The following WDR19 variants were observed in gnomAD, a reference collection of about 807,000 sequenced individuals.
The protein encoded by WDR19 is WD repeat-containing protein 19.
In WDR19, 121 loss-of-function variants were observed where a neutral mutation model predicts 180.0. That is an observed-to-expected ratio of 0.67 (90% CI 0.58 to 0.78). The LOEUF is 0.78. Ranked by LOEUF, WDR19 falls within the 30% of genes least tolerant of loss-of-function variation. The probability of loss-of-function intolerance (pLI) is 0.00; values close to 1 mark genes in which losing one functional copy is unlikely to be tolerated. For missense variants in WDR19, 1,450 were observed against 1,640.7 expected (o/e 0.88, Z 2.01); for synonymous variants, 497 against 540.7 (o/e 0.92, Z 1.12).
intron 9 of WDR19, 189 bp downstream of exon 9, chr4:39,205,925 A>G (rs1033283265): frequency 3.5e-6 from 2 of 579,160 alleles, no homozygotes; most frequent in African/African-American, 1.9e-5. Flanking sequence ...ATCAATCTTA[A>G]AAATAAAATA....
rs1238537245 is a variant in WDR19 at position 39,203,706 on chromosome 4, C to G, written c.587C>G (p.Ser196Cys). Residue 196 changes from serine to cysteine, a missense_variant, in exon 7 of 37, where the codon TCT becomes TGT. Coordinates refer to ENST00000399820, the MANE Select transcript of WDR19 (RefSeq NM_025132.4). ...FFLMKMDDRT[S>C]AAESMISVVL... ...TTGATGAAGATGGATGACCGAACCT[C>G]TGCTGCTGAAAGCATGGTAAGAATT... 1.2e-6 allele frequency: 2 copies of G among 1,611,986 alleles called. No homozygotes were observed.
chr4:39,241,669 G>A (rs1258896702), intron 21 of WDR19, among the ~76,000 whole-genome samples: 5 of 151,418 alleles, frequency 3.3e-5, no homozygotes, highest in African/African-American at 7.3e-5. Flanking sequence ...GGTGGCACAC[G>A]CCTGTAATCC....
At position 39,205,593 on chromosome 4, in the gene WDR19, T is replaced by C; in HGVS notation, c.747T>C (p.Phe249=). Residue 249 remains phenylalanine (F), a synonymous_variant, in exon 9 of 37, where the codon TTT becomes TTC. Transcript: ENST00000399820. ...WYGDGRIMIG[F]SCGHFVVIST... is the part of the protein sequence containing the mutation. ...GTGATGGCCGCATCATGATTGGTTT[T>C]TCATGTGGACATTTTGTGGTCATTT... is the stretch of plus-strand genomic sequence containing the variant. The C allele has an allele frequency of 6.2e-7, 1 of 1,613,594 alleles. No homozygotes were observed. The highest frequency in any genetic ancestry group is 8.5e-7 in the Non-Finnish European group (1 of 1,179,744).
At chr4:39,260,974 A>G (rs1263126699) in intron 28 of WDR19, among the ~76,000 whole-genome samples, 2 of 152,028 alleles carry the variant, frequency 1.3e-5, no homozygotes, top group African/African-American at 2.4e-5. Flanking sequence ...CAAACAGTTC[A>G]TAATAGCCCA....
chr4:39,277,673 A>G (rs574530388), intron 34 of WDR19, among the ~76,000 whole-genome samples: 213 of 152,350 alleles, frequency 1.4e-3, no homozygotes, highest in African/African-American at 4.9e-3. Context: ...AATCCTTTTA[A>G]TGCTGTCTCT....
At chr4:39,285,443 C>T (rs923397771) in intron 36 of WDR19, 44 bp from the exon 37 acceptor site, 10 of 152,208 alleles carry the variant, frequency 6.6e-5, no homozygotes, top group African/African-American at 2.4e-4. Flanking sequence ...CCAGCCATTA[C>T]TTGAAACCCT....
At chr4:39,272,378 C>T (rs985867320) in intron 31 of WDR19, among the ~76,000 whole-genome samples, 3 of 152,192 alleles carry the variant, frequency 2.0e-5, no homozygotes, top group African/African-American at 7.2e-5. Flanking sequence ...CAAGTATCCT[C>T]AGCCCTGACC....
chr4:39,240,955 C>CA (rs34831969), intron 21 of WDR19, among the ~76,000 whole-genome samples: 58,108 of 115,486 alleles, frequency 0.5, 14,960 homozygotes, highest in East Asian at 0.65. Flanking sequence ...GACTCCATCT[C>CA]AAAAAAAAAA....
intron 24 of WDR19, among the ~76,000 whole-genome samples, chr4:39,251,427 A>T (rs1313228841): frequency 3.3e-5 from 5 of 151,902 alleles, no homozygotes; most frequent in African/African-American, 4.8e-5. Context: ...AACCTAGGCA[A>T]TACCATTCAG....
At position 39,203,699 on chromosome 4, in the gene WDR19, C is replaced by G. The variant is rs1445634325; in HGVS notation, c.580C>G (p.Arg194Gly). ...MQFFLMKMDD[R>G]TSAAESMISV... ...GTTTTTCTTGATGAAGATGGATGAC[C>G]GAACCTCTGCTGCTGAAAGCATGGT... The change falls in exon 7 of 37, where the codon CGA becomes GGA. Residue 194 changes from arginine to glycine, a missense_variant. Arg to Gly is a moderately radical substitution (Grantham distance 125). Transcript: ENST00000399820. 2 of 1,612,344 alleles carry G rather than the reference C, an allele frequency of 1.2e-6. No homozygotes were observed. Among genetic ancestry groups the G allele is most frequent in the Non-Finnish European group, 1.7e-6 (2 of 1,179,232 alleles).
intron 21 of WDR19, 98 bp downstream of exon 21, chr4:39,240,432 T>C: frequency 1.6e-6 from 1 of 644,134 alleles, no homozygotes; most frequent in Non-Finnish European, 2.3e-6. Flanking sequence ...GTATTTAATA[T>C]CTAGCAGGTG....
Position 39,182,579 on chromosome 4 carries a change from A to T in WDR19, c.6+16A>T. 1 of 1,613,614 alleles carries T rather than the reference A, an allele frequency of 6.2e-7. No homozygotes were observed. The highest frequency in any genetic ancestry group is 8.5e-7 in the Non-Finnish European group (1 of 1,179,702). On this transcript the variant is annotated intron_variant, in intron 1 of 36. Coordinates refer to ENST00000399820, the MANE Select transcript of WDR19 (RefSeq NM_025132.4). ...GGAGATGAAGGTAAATAACTTACAA[A>T]TTCCCGGGGTGGGGCGGGAAAACGC...
intron 28 of WDR19, among the ~76,000 whole-genome samples, chr4:39,260,073 C>T (rs563959453): frequency 1.3e-5 from 2 of 152,078 alleles, no homozygotes; most frequent in South Asian, 4.1e-4. Flanking sequence ...CTCTCTTCAA[C>T]TCTATATCTC....
chr4:39,274,891 T>C lies in WDR19; in HGVS notation c.3649T>C (p.Leu1217=). The C allele has an allele frequency of 6.2e-7, 1 of 1,614,032 alleles. No homozygotes were observed. The highest frequency in any genetic ancestry group is 8.5e-7 in the Non-Finnish European group (1 of 1,179,892). The change falls in exon 33 of 37, where the codon TTG becomes CTG. Residue 1217 remains leucine, a synonymous_variant. Coordinates refer to ENST00000399820, the MANE Select transcript of WDR19 (RefSeq NM_025132.4). ...CTCTGCTTTCAGCTTCGCAGCTATG[T>C]TGATGAGGCCTGAATACCGCAGCAA... is the stretch of plus-strand genomic sequence containing the variant. ...KNSAFSFAAM[L]MRPEYRSKID...
At chr4:39,262,461 G>A (rs530676630) in intron 28 of WDR19, among the ~76,000 whole-genome samples, 3 of 152,000 alleles carry the variant, frequency 2.0e-5, no homozygotes, top group Non-Finnish European at 4.4e-5. Flanking sequence ...GGCTGGTCTT[G>A]AACTCCTAAG....
At chr4:39,258,120 AT>A (rs1440747082) in intron 28 of WDR19, among the ~76,000 whole-genome samples, 1 of 151,998 alleles carries the variant, frequency 6.6e-6, no homozygotes, top group African/African-American at 2.4e-5. Flanking sequence ...ATGTATGCAA[AT>A]GTGTCCGTTT....
At chr4:39,275,652 A>G (rs974530472) in intron 33 of WDR19, among the ~76,000 whole-genome samples, 2 of 152,218 alleles carry the variant, frequency 1.3e-5, no homozygotes, top group Non-Finnish European at 2.9e-5. Context: ...CTTTTTGTTC[A>G]GAAAGGTACC....
chr4:39,224,070 T>G (rs915096691), intron 14 of WDR19, among the ~76,000 whole-genome samples: 3 of 152,220 alleles, frequency 2.0e-5, no homozygotes, highest in Admixed American at 6.5e-5. Context: ...TGTTTAAGTT[T>G]ATACCCAAGT....
intron 19 of WDR19, 122 bp downstream of exon 19, chr4:39,232,394 G>A (rs1730974402): frequency 4.0e-6 from 3 of 758,154 alleles, no homozygotes; most frequent in South Asian, 1.9e-5. Flanking sequence ...GGAGGCCAAG[G>A]TGGATGGATC....
Sources: allele counts gnomAD v4.1 joint callset (sites outside exome capture counted in the v4.1 genomes callset), GRCh38; gene constraint gnomAD v4.1.1; transcripts MANE v1.5; gene names NCBI Gene and HGNC (gene_info 2026-07-23, HGNC 2026-07-21).